Variants in TANGO6 observed in about 807,000 individuals in gnomAD.
TANGO6 encodes the protein transport and Golgi organization protein 6 homolog.
Under a neutral mutation model 114.2 loss-of-function variants are expected in TANGO6, and 90 were observed. That is an observed-to-expected ratio of 0.79 (90% CI 0.66 to 0.94). The LOEUF is 0.94. Ranked by LOEUF, TANGO6 falls within the 40% of genes least tolerant of loss-of-function variation. The pLI is 0.00. For missense variants in TANGO6, 1,274 were observed against 1,315.3 expected (o/e 0.97, Z 0.49); for synonymous variants, 477 against 509.8 (o/e 0.94, Z 0.87).
intron 9 of TANGO6, among the ~76,000 whole-genome samples, chr16:68,905,031 T>C (rs1397103667): frequency 6.6e-6 from 1 of 152,108 alleles, no homozygotes; most frequent in Non-Finnish European, 1.5e-5. Context: ...GAGACCAGCC[T>C]GACCAACATG....
intron 14 of TANGO6, among the ~76,000 whole-genome samples, chr16:68,935,511 C>T (rs79779158): frequency 0.08 from 12,091 of 151,994 alleles, 540 homozygotes; most frequent in African/African-American, 0.098. Context: ...GAACTCAATA[C>T]CCTAGGAGTT....
chr16:68,961,726 T>A (rs80020279), intron 14 of TANGO6, among the ~76,000 whole-genome samples: 5,250 of 152,260 alleles, frequency 0.034, 314 homozygotes, highest in African/African-American at 0.12. Flanking sequence ...ATTATTTAGA[T>A]ACTGATTTAA....
At chr16:68,965,443 G>A (rs1356150375) in intron 14 of TANGO6, among the ~76,000 whole-genome samples, 1 of 152,180 alleles carries the variant, frequency 6.6e-6, no homozygotes, top group African/African-American at 2.4e-5. Context: ...CTGATATTCT[G>A]CTCTTGGCAG....
At chr16:68,858,672 G>A (rs1052705856) in intron 1 of TANGO6, among the ~76,000 whole-genome samples, 6 of 151,618 alleles carry the variant, frequency 4.0e-5, no homozygotes, top group African/African-American at 1.2e-4. Context: ...TTTTAGAGAC[G>A]GGCTCTCCCT....
At chr16:69,053,367 CCTTT>C (rs1028547012) in intron 17 of TANGO6, among the ~76,000 whole-genome samples, 1 of 152,022 alleles carries the variant, frequency 6.6e-6, no homozygotes, top group Non-Finnish European at 1.5e-5. Flanking sequence ...GATCACATTT[CCTTT>C]CTTGTTTGAA....
intron 4 of TANGO6, among the ~76,000 whole-genome samples, chr16:68,872,318 T>C (rs1445418640): frequency 6.6e-6 from 1 of 151,994 alleles, no homozygotes; most frequent in Non-Finnish European, 1.5e-5. Context: ...TCTTTTTTTT[T>C]TGAGGCAGAG....
intron 17 of TANGO6, among the ~76,000 whole-genome samples, chr16:69,049,357 G>A (rs1246309430): frequency 6.6e-6 from 1 of 151,602 alleles, no homozygotes; most frequent in Non-Finnish European, 1.5e-5. Flanking sequence ...GGCCTTCTGT[G>A]TCTGCCTCCT....
intron 11 of TANGO6, 151 bp from the exon 12 acceptor site, chr16:68,918,934 T>C: frequency 1.1e-6 from 1 of 886,128 alleles, no homozygotes; most frequent in Non-Finnish European, 1.7e-6. Flanking sequence ...ACACTGAACA[T>C]CACATCTGCA....
chr16:69,010,177 A>T lies in TANGO6; in HGVS notation c.2843-12651A>T, dbSNP rs150639301. 2.3e-4 allele frequency among the ~76,000 whole-genome samples: 35 copies of T among 152,282 alleles called. No homozygotes were observed. The Middle Eastern group carries it at 0.01, about 44-fold the overall frequency. On this transcript the variant is annotated intron_variant, in intron 15 of 17. Transcript: ENST00000261778. The stretch of plus-strand genomic sequence containing the variant: ...GGAAGAGAGATTTGATTCCCAAAAG[A>T]TTATCATACTCTTCAACTGTAGTGA...
chr16:68,866,342 G>A (rs1230313105), intron 3 of TANGO6, among the ~76,000 whole-genome samples: 1 of 151,752 alleles, frequency 6.6e-6, no homozygotes, highest in Non-Finnish European at 1.5e-5. Flanking sequence ...AAATAATGTC[G>A]GCCGGGCGCG....
chr16:68,968,007 GA>G (rs940895885), intron 14 of TANGO6, among the ~76,000 whole-genome samples: 5 of 148,778 alleles, frequency 3.4e-5, no homozygotes, highest in South Asian at 4.3e-4. Context: ...CTTGGGGGAA[GA>G]AAAAAAAACA....
At chr16:69,037,586 T>C (rs769546413) in intron 16 of TANGO6, among the ~76,000 whole-genome samples, 4 of 152,162 alleles carry the variant, frequency 2.6e-5, no homozygotes, top group Non-Finnish European at 4.4e-5. Context: ...AAAGTGGAGG[T>C]AGCTATTATA....
intron 15 of TANGO6, among the ~76,000 whole-genome samples, chr16:69,021,886 CTTT>C (rs757995347): frequency 7.8e-6 from 1 of 127,860 alleles, no homozygotes; most frequent in African/African-American, 2.9e-5. Flanking sequence ...ATTTTTTTTT[CTTT>C]TTTTTTTTTT....
intron 17 of TANGO6, among the ~76,000 whole-genome samples, chr16:69,078,544 ACTCT>A (rs912168741): frequency 7.3e-5 from 11 of 151,222 alleles, no homozygotes; most frequent in Non-Finnish European, 1.6e-4. Flanking sequence ...ATGTCTCATC[ACTCT>A]CTCTCTGCTC....
chr16:68,843,558 G>T lies in TANGO6; in HGVS notation c.-60G>T. On this transcript the variant is annotated 5_prime_UTR_variant, in exon 1 of 18. Coordinates refer to ENST00000261778, the MANE Select transcript of TANGO6 (RefSeq NM_024562.2). ...AGCCTTCTGCCACACTTAACATGGC[G>T]GCGGCGGCGCCCTGCCGAGGCGCCT... 1 of 1,532,746 alleles carries T rather than the reference G, an allele frequency of 6.5e-7. No homozygotes were observed. Among genetic ancestry groups the T allele is most frequent in the Middle Eastern group, 1.8e-4 (1 of 5,644 alleles). 94.9% of individuals were successfully genotyped at this position (1,532,746 alleles called of 1,614,324 possible). A position where few individuals can be genotyped will look rare whatever the true frequency, so the allele number is the denominator to read the frequency against.
At chr16:69,045,570 C>G (rs1012813382) in intron 17 of TANGO6, among the ~76,000 whole-genome samples, 4 of 151,380 alleles carry the variant, frequency 2.6e-5, no homozygotes, top group Non-Finnish European at 5.9e-5. Flanking sequence ...AGTGAAACCC[C>G]CTCTCTACTA....
At position 69,022,920 on chromosome 16, in the gene TANGO6, G is replaced by A. The variant is rs1044232570; in HGVS notation, c.2935G>A (p.Ala979Thr). 7 of 1,604,212 alleles carry A rather than the reference G, an allele frequency of 4.4e-6. No homozygotes were observed. The highest frequency in any genetic ancestry group is 1.1e-5 in the South Asian group (1 of 88,962). The change falls in exon 16 of 18, where the codon GCC becomes ACC. Residue 979 changes from alanine to threonine, a missense_variant. Physicochemically the swap from Ala to Thr is moderately conservative, Grantham distance 58. This residue lies in a region of TANGO6 where 238 missense variants were observed against 252.9 expected (regional missense o/e 0.94). Transcript: ENST00000261778. ...PDGAHRASSL[A>T]NLGELCQRLD... ...TGGTGCTCACAGGGCCAGCAGCTTG[G>A]CCAACCTTGGGGAGCTGTGCCAGAG...
Position 68,909,422 on chromosome 16 carries a change from TG to T in TANGO6, c.1992+22del. The T allele has an allele frequency of 6.8e-7, 1 of 1,472,548 alleles. No homozygotes were observed. The highest frequency in any genetic ancestry group is 1.4e-5 in the South Asian group (1 of 69,812). 91.2% of individuals were successfully genotyped at this position (1,472,548 alleles called of 1,614,324 possible). On this transcript the variant is annotated intron_variant, in intron 11 of 17. Transcript: ENST00000261778. ...ACTCAGGTCAGTAGTTGCCACATTC[TG>T]GACCGCAGCCTTTTTTTCTTTCCAA...
chr16:68,983,908 C>T (rs1042068360), intron 15 of TANGO6, among the ~76,000 whole-genome samples: 1 of 151,906 alleles, frequency 6.6e-6, no homozygotes, highest in African/African-American at 2.4e-5. Flanking sequence ...TGGCGGGTGC[C>T]TGTTGTCCCA....
Sources: allele counts gnomAD v4.1 joint callset (sites outside exome capture counted in the v4.1 genomes callset), GRCh38; gene constraint gnomAD v4.1.1; regional missense constraint gnomAD v4.1.1; transcripts MANE v1.5; gene names NCBI Gene and HGNC (gene_info 2026-07-23, HGNC 2026-07-21).